The following TRIM9 variants were observed in gnomAD, a reference collection of about 807,000 sequenced individuals.
TRIM9 encodes the protein tripartite motif containing 9, also known as E3 ubiquitin-protein ligase TRIM9.
In TRIM9, 26 loss-of-function variants were observed where a neutral mutation model predicts 78.3. The ratio of observed to expected loss-of-function variants is 0.33; its 90% CI spans 0.24 to 0.46. The LOEUF (loss-of-function observed/expected upper bound fraction) is 0.46, where lower values mean the gene tolerates loss of function less well. Ranked by LOEUF, TRIM9 falls within the 20% of genes least tolerant of loss-of-function variation. The probability of loss-of-function intolerance (pLI) is 1.00; values close to 1 mark genes in which losing one functional copy is unlikely to be tolerated. For synonymous variants in TRIM9, 398 were observed against 416.5 expected (o/e 0.96, Z 0.54); for missense variants, 787 against 1,036.4 (o/e 0.76, Z 3.30).
intron 7 of TRIM9, chr14:50,996,172 A>T (rs1215574221): frequency 1.0e-6 from 1 of 984,794 alleles, no homozygotes; most frequent in Non-Finnish European, 1.2e-6. Flanking sequence ...CTTTGTATTC[A>T]GATACATACC....
In TRIM9 at chr14:50,995,099, G is replaced by A. The variant is rs535980251; in HGVS notation, c.1603+2951C>T. Among the ~76,000 whole-genome samples, 7 of 152,026 alleles carry A rather than the reference G, an allele frequency of 4.6e-5. No homozygotes were observed. In the South Asian group the frequency reaches 1.2e-3, roughly 27 times the overall value. On this transcript the variant is annotated intron_variant, in intron 7 of 12. Coordinates refer to ENST00000684578, the MANE Select transcript of TRIM9 (RefSeq NM_001387360.1). Reference sequence around the variant, plus strand: ...ACTCCTGGGCTCACAGGATCCTCCCGTCTCAACCTCCCAAGTATCTGGGAT... The same window carrying A: ...ACTCCTGGGCTCACAGGATCCTCCCATCTCAACCTCCCAAGTATCTGGGAT...
chr14:51,038,591 G>A (rs762769479), intron 1 of TRIM9, among the ~76,000 whole-genome samples: 2 of 152,136 alleles, frequency 1.3e-5, no homozygotes, highest in Non-Finnish European at 2.9e-5. Context: ...AAAGAATCTG[G>A]CCCACTACAA....
rs1483013745 is a variant in TRIM9, at chr14:51,094,954, G to C, written c.-15C>G. 13 of 1,433,820 alleles carry C rather than the reference G, an allele frequency of 9.1e-6. No individual in the cohort carries two copies. Among genetic ancestry groups the C allele is most frequent in the African/African-American group, 1.4e-5 (1 of 70,430 alleles). The allele number at this position is 1,433,820 out of a possible 1,614,324, so 88.8% of individuals were successfully genotyped here. A position where few individuals can be genotyped will look rare whatever the true frequency, so the allele number is the denominator to read the frequency against. ...ATCTCCTCCATGGGGACCGGTCTGG[G>C]AGGAGACAGCGACGGCTGCAGCGGG... On this transcript the variant is annotated 5_prime_UTR_variant, in exon 1 of 13. Coordinates refer to ENST00000684578, the MANE Select transcript of TRIM9 (RefSeq NM_001387360.1).
intron 7 of TRIM9, among the ~76,000 whole-genome samples, chr14:50,993,507 T>C (rs1202105717): frequency 6.6e-6 from 1 of 152,142 alleles, no homozygotes; most frequent in East Asian, 1.9e-4. Context: ...TAGCTGGGAT[T>C]ACAGGCGCCC....
At chr14:51,050,631 T>C (rs1004621138) in intron 1 of TRIM9, among the ~76,000 whole-genome samples, 1 of 152,210 alleles carries the variant, frequency 6.6e-6, no homozygotes, top group Non-Finnish European at 1.5e-5. Context: ...GGCTTGGGAC[T>C]GTCCCAACCA....
At chr14:51,092,851 C>T (rs528972249) in intron 1 of TRIM9, among the ~76,000 whole-genome samples, 1 of 152,038 alleles carries the variant, frequency 6.6e-6, no homozygotes, top group South Asian at 2.1e-4. Context: ...ATAAATACTA[C>T]TGAGGAAAAT....
chr14:51,031,457 A>G (rs898268737), intron 1 of TRIM9, among the ~76,000 whole-genome samples: 1 of 152,186 alleles, frequency 6.6e-6, no homozygotes, highest in Non-Finnish European at 1.5e-5. Context: ...GTCTAACTTC[A>G]ATAAGCACAA....
chr14:51,025,252 G>A lies in TRIM9; in HGVS notation c.918+13C>T, dbSNP rs763116695. The A allele has an allele frequency of 1.3e-5, 21 of 1,613,252 alleles. No individual in the cohort carries two copies. The highest frequency in any genetic ancestry group is 6.7e-5 in the Admixed American group (4 of 59,968). ...ACCGGCGGGTTTCCTTGCGTCCCAGGTAACACCCATACCTGGATCTGCTGG... is the reference window on the plus strand; with the variant it reads ...ACCGGCGGGTTTCCTTGCGTCCCAGATAACACCCATACCTGGATCTGCTGG... On this transcript the variant is annotated intron_variant, in intron 2 of 12. Transcript: ENST00000684578.
At position 50,999,456 on chromosome 14, in the gene TRIM9, CA is replaced by C. The variant is rs201254616; in HGVS notation, c.1464+1226del. Among the ~76,000 whole-genome samples, 570 of 152,188 alleles carry C rather than the reference CA, an allele frequency of 3.7e-3. 1 individual carries two copies. Among genetic ancestry groups the C allele is most frequent in the African/African-American group, 0.013 (538 of 41,518 alleles). ...TGGAAAGAAAGAAATTAGATTTTATCATGCCAATAAATCAACATATATGTAA... is the reference window on the plus strand; with the variant it reads ...TGGAAAGAAAGAAATTAGATTTTATCTGCCAATAAATCAACATATATGTAA... On this transcript the variant is annotated intron_variant, in intron 6 of 12. Transcript: ENST00000684578.
chr14:51,039,534 C>T (rs2059417852), intron 1 of TRIM9, among the ~76,000 whole-genome samples: 1 of 152,022 alleles, frequency 6.6e-6, no homozygotes, highest in South Asian at 2.1e-4. Context: ...AGCCACACAG[C>T]CAAATAGTAC....
At chr14:51,048,424 T>C (rs1422366129) in intron 1 of TRIM9, among the ~76,000 whole-genome samples, 4 of 152,252 alleles carry the variant, frequency 2.6e-5, no homozygotes, top group Non-Finnish European at 5.9e-5. Flanking sequence ...TGCTTTCTTC[T>C]TGATGGAGCA....
At chr14:51,047,479 T>G (rs1461259619) in intron 1 of TRIM9, among the ~76,000 whole-genome samples, 1 of 152,146 alleles carries the variant, frequency 6.6e-6, no homozygotes, top group Non-Finnish European at 1.5e-5. Context: ...GAGGACACCA[T>G]AGGACTGATT....
intron 1 of TRIM9, among the ~76,000 whole-genome samples, chr14:51,043,763 A>C (rs1463919916): frequency 6.6e-6 from 1 of 152,200 alleles, no homozygotes; most frequent in Non-Finnish European, 1.5e-5. Flanking sequence ...GGTAGCCGAG[A>C]TATGTGTCAA....
chr14:51,008,194 C>T (rs566009867), intron 5 of TRIM9, among the ~76,000 whole-genome samples: 7 of 152,200 alleles, frequency 4.6e-5, no homozygotes, highest in African/African-American at 1.7e-4. Context: ...GGGAGATCTT[C>T]ATTCTGTATC....
chr14:50,983,343 CA>C, intron 9 of TRIM9, 36 bp downstream of exon 9: 2 of 1,493,712 alleles, frequency 1.3e-6, no homozygotes, highest in Non-Finnish European at 1.8e-6. Flanking sequence ...GCACACCAAT[CA>C]CGTAAGTAAA....
At chr14:51,093,065 G>A (rs983181851) in intron 1 of TRIM9, among the ~76,000 whole-genome samples, 5 of 152,136 alleles carry the variant, frequency 3.3e-5, no homozygotes, top group Non-Finnish European at 5.9e-5. Context: ...AAGAAGCAGT[G>A]TGGCTGGAGC....
intron 4 of TRIM9, 44 bp downstream of exon 4, chr14:51,010,340 T>C: frequency 1.3e-6 from 2 of 1,482,454 alleles, no homozygotes; most frequent in Non-Finnish European, 1.9e-6. Flanking sequence ...GACTATGTCC[T>C]ATGGGACATT....
chr14:51,093,224 C>A (rs1169466276), intron 1 of TRIM9, among the ~76,000 whole-genome samples: 1 of 152,112 alleles, frequency 6.6e-6, no homozygotes, highest in Non-Finnish European at 1.5e-5. Context: ...TCGTGTCTAG[C>A]CATGGTGGAA....
At chr14:50,986,856 A>G (rs1398172287) in intron 7 of TRIM9, among the ~76,000 whole-genome samples, 2 of 152,226 alleles carry the variant, frequency 1.3e-5, no homozygotes, top group Admixed American at 6.5e-5. Context: ...GGTGAGGTGC[A>G]TTGGTGGCAA....
Sources: allele counts gnomAD v4.1 joint callset (sites outside exome capture counted in the v4.1 genomes callset), GRCh38; gene constraint gnomAD v4.1.1; transcripts MANE v1.5; gene names NCBI Gene and HGNC (gene_info 2026-07-23, HGNC 2026-07-21).